SEC63: variants seen among roughly 807,000 people sequenced by gnomAD.
The protein encoded by SEC63 is translocation protein SEC63 homolog.
SEC63 carries 56 observed loss-of-function variants against 116.2 expected under a neutral mutation model. That is an observed-to-expected ratio of 0.48 (90% CI 0.39 to 0.60). The LOEUF (loss-of-function observed/expected upper bound fraction) is 0.60, where lower values mean the gene tolerates loss of function less well. SEC63 is among the 20% of genes least tolerant of loss of function. SEC63 has a pLI of 0.00. For missense variants in SEC63, 668 were observed against 900.0 expected (o/e 0.74, Z 3.30); for synonymous variants, 273 against 294.6 (o/e 0.93, Z 0.75).
At chr6:107,876,868 T>C (rs543764368) in intron 18 of SEC63, 6 of 534,420 alleles carry the variant, frequency 1.1e-5, no homozygotes, top group Admixed American at 9.5e-5. Context: ...GCATTTTGTA[T>C]GCAATTTTGG....
In SEC63 at chr6:107,876,993, A is replaced by T. The variant is rs531023654; in HGVS notation, c.1936-331T>A. 3.8e-5 allele frequency: 10 copies of T among 266,666 alleles called. 1 individual carries two copies. The highest frequency in any genetic ancestry group is 7.3e-5 in the Non-Finnish European group (10 of 136,888). The allele number at this position is 266,666 out of a possible 1,614,324, so 16.5% of individuals were successfully genotyped here. On this transcript the variant is annotated intron_variant, in intron 18 of 20. Coordinates refer to ENST00000369002, the MANE Select transcript of SEC63 (RefSeq NM_007214.5). The stretch of plus-strand genomic sequence containing the variant: ...TACAACTATTACAATAGCATGTAGC[A>T]AATAATCTTAGTACTCTTACCTAGT...
chr6:107,900,163 T>TG (rs974201945), intron 13 of SEC63, among the ~76,000 whole-genome samples: 3 of 151,890 alleles, frequency 2.0e-5, no homozygotes, highest in African/African-American at 7.3e-5. Flanking sequence ...GGTGTGTGTG[T>TG]GTTTTTTTTT....
intron 11 of SEC63, 51 bp downstream of exon 11, chr6:107,904,578 C>T (rs758712427): frequency 7.2e-7 from 1 of 1,383,496 alleles, no homozygotes; most frequent in Admixed American, 1.7e-5. Context: ...GTACAATCTG[C>T]ATATGCTTGC....
At chr6:107,879,688 T>G (rs568816757) in intron 18 of SEC63, among the ~76,000 whole-genome samples, 8 of 151,928 alleles carry the variant, frequency 5.3e-5, no homozygotes, top group Admixed American at 4.6e-4. Flanking sequence ...CAGATTAAAT[T>G]TGAAAAAGGC....
chr6:107,912,687 CA>C, intron 6 of SEC63, 28 bp downstream of exon 6: 1 of 1,447,838 alleles, frequency 6.9e-7, no homozygotes. Context: ...TCTAATACAT[CA>C]TAATGTATCT....
intron 1 of SEC63, among the ~76,000 whole-genome samples, chr6:107,934,488 A>G (rs62427395): frequency 1.6e-4 from 12 of 73,160 alleles, no homozygotes; most frequent in African/African-American, 4.1e-4. Context: ...CGGCCGCTCC[A>G]TCTGAGAAGT....
intron 2 of SEC63, among the ~76,000 whole-genome samples, chr6:107,925,767 GA>G (rs1787661555): frequency 6.6e-6 from 1 of 152,196 alleles, no homozygotes; most frequent in Non-Finnish European, 1.5e-5. Flanking sequence ...AATTTGGAAA[GA>G]ATAAGTCTAA....
chr6:107,946,817 A>AG (rs1167415318), intron 1 of SEC63, among the ~76,000 whole-genome samples: 2 of 152,162 alleles, frequency 1.3e-5, no homozygotes, highest in African/African-American at 4.8e-5. Flanking sequence ...CAGCCTGGCC[A>AG]ACATGGAAAA....
chr6:107,893,578 T>G lies in SEC63; in HGVS notation c.1578A>C (p.Ser526=). Residue 526 remains serine (S), a synonymous_variant, in exon 16 of 21, where the codon TCA becomes TCC. Coordinates refer to ENST00000369002, the MANE Select transcript of SEC63 (RefSeq NM_007214.5). ...TTTTTTTTAAAGGTTTCTTTTTTTT[T>G]GATTTAGCAGTTTTCTTGGGTCCTT... ...KSKGPKKTAK[S]KKKKPLKKKP... is the part of the protein sequence containing the mutation. The G allele has an allele frequency of 6.3e-7, 1 of 1,596,368 alleles. No individual in the cohort carries two copies. The highest frequency in any genetic ancestry group is 1.4e-5 in the African/African-American group (1 of 73,428).
intron 1 of SEC63, among the ~76,000 whole-genome samples, chr6:107,956,479 G>A (rs926330567): frequency 6.6e-6 from 1 of 151,866 alleles, no homozygotes; most frequent in Non-Finnish European, 1.5e-5. Context: ...TTTCAACATC[G>A]AGGAAGAACC....
intron 10 of SEC63, 125 bp downstream of exon 10, chr6:107,906,323 A>T: frequency 3.7e-6 from 4 of 1,076,640 alleles, no homozygotes; most frequent in South Asian, 2.5e-5. Flanking sequence ...TTTTGTTTAT[A>T]TATTACCCAG....
Position 107,936,539 on chromosome 6 carries a change from T to C in SEC63, c.125-7025A>G, listed in dbSNP as rs1031835565. ...AAATTATGTTAGGAGTATCCTTAAC[T>C]TGTATTTTTTTAAAGAAATTATCCA... On this transcript the variant is annotated intron_variant, in intron 1 of 20. Coordinates refer to ENST00000369002, the MANE Select transcript of SEC63 (RefSeq NM_007214.5). Among the ~76,000 whole-genome samples the C allele has an allele frequency of 1.5e-3, 10 of 6,894 alleles. No homozygotes were observed. The African/African-American group carries it at 0.023, about 16-fold the overall frequency. The allele number at this position is 6,894 out of a possible 152,430, so 4.5% of individuals were successfully genotyped here. A position where few individuals can be genotyped will look rare whatever the true frequency, so the allele number is the denominator to read the frequency against.
At chr6:107,952,281 T>C (rs1158150336) in intron 1 of SEC63, among the ~76,000 whole-genome samples, 1 of 152,196 alleles carries the variant, frequency 6.6e-6, no homozygotes, top group Non-Finnish European at 1.5e-5. Flanking sequence ...AATATGCCAA[T>C]AAACGAACTA....
chr6:107,957,845 G>A, intron 1 of SEC63, 41 bp downstream of exon 1: 2 of 1,575,826 alleles, frequency 1.3e-6, no homozygotes, highest in Non-Finnish European at 1.7e-6. Context: ...GGCGCTGGCG[G>A]GGCCTGCGCG....
rs574457923 is a variant in SEC63 at position 107,912,585 on chromosome 6, A to AAATG, written c.573+127_573+130dup. 3.4e-3 allele frequency: 2,361 copies of AAATG among 701,390 alleles called. 9 individuals carry two copies. The highest frequency in any genetic ancestry group is 4.4e-3 in the Non-Finnish European group (1,667 of 382,792). The allele number at this position is 701,390 out of a possible 1,614,324, so 43.4% of individuals were successfully genotyped here. On this transcript the variant is annotated intron_variant, in intron 6 of 20. Coordinates refer to ENST00000369002, the MANE Select transcript of SEC63 (RefSeq NM_007214.5). Reference sequence around the variant, plus strand: ...GGGCAATAGAGCAAGACTCTGTCTCAAATGAATGAATGAATGAATGGCACA... The same window carrying AAATG: ...GGGCAATAGAGCAAGACTCTGTCTCAAATGAATGAATGAATGAATGAATGGCACA...
chr6:107,893,783 T>C, intron 15 of SEC63, 55 bp downstream of exon 15: 1 of 1,606,120 alleles, frequency 6.2e-7, no homozygotes. Context: ...ATTGGAAAAG[T>C]AAATAAAATA....
At chr6:107,872,480 C>T (rs1161077530) in intron 20 of SEC63, among the ~76,000 whole-genome samples, 1 of 151,514 alleles carries the variant, frequency 6.6e-6, no homozygotes, top group African/African-American at 2.4e-5. Context: ...AATTAATATA[C>T]ACTCCAAATA....
chr6:107,887,746 A>G (rs1459225128), intron 16 of SEC63, among the ~76,000 whole-genome samples: 2 of 152,224 alleles, frequency 1.3e-5, no homozygotes, highest in Non-Finnish European at 2.9e-5. Context: ...CTTAAAGTAT[A>G]ACTAAAAAAA....
At position 107,870,866 on chromosome 6, in the gene SEC63, T is replaced by C. The variant is rs1786114758; in HGVS notation, c.*838A>G. On this transcript the variant is annotated 3_prime_UTR_variant, in exon 21 of 21. Coordinates refer to ENST00000369002, the MANE Select transcript of SEC63 (RefSeq NM_007214.5). ...CTTACTTTCCTTAAAAAGCTCCTGATAGAGTCAAGTAGACTGAAAACTAAG... is the reference window on the plus strand; with the variant it reads ...CTTACTTTCCTTAAAAAGCTCCTGACAGAGTCAAGTAGACTGAAAACTAAG... 6.6e-6 allele frequency: 1 copy of C among 152,322 alleles called. No homozygotes were observed. Among genetic ancestry groups the C allele is most frequent in the African/African-American group, 2.4e-5 (1 of 41,446 alleles). 9.4% of individuals were successfully genotyped at this position (152,322 alleles called of 1,614,324 possible). A position where few individuals can be genotyped will look rare whatever the true frequency, so the allele number is the denominator to read the frequency against.
Sources: gnomAD v4.1 joint callset for allele counts (sites outside exome capture counted in the v4.1 genomes callset) on GRCh38, gnomAD v4.1.1 for gene constraint, MANE v1.5 for transcripts, NCBI Gene and HGNC (gene_info 2026-07-23, HGNC 2026-07-21) for gene names.